The following LMTK2 variants were observed in gnomAD, a reference collection of about 807,000 sequenced individuals.
LMTK2 encodes lemur tail kinase 2.
LMTK2 carries 37 observed loss-of-function variants against 127.5 expected under a neutral mutation model. The ratio of observed to expected loss-of-function variants is 0.29; its 90% CI spans 0.22 to 0.38. LMTK2 has a LOEUF of 0.38. Ranked by LOEUF, LMTK2 falls within the 10% of genes least tolerant of loss-of-function variation. The pLI is 1.00. For missense variants in LMTK2, 1,694 were observed against 1,920.3 expected (o/e 0.88, Z 2.20); for synonymous variants, 819 against 810.1 (o/e 1.01, Z -0.19).
intron 3 of LMTK2, among the ~76,000 whole-genome samples, chr7:98,142,028 T>C (rs558213526): frequency 2.0e-5 from 3 of 152,326 alleles, no homozygotes; most frequent in African/African-American, 7.2e-5. Flanking sequence ...AAAAATAGAA[T>C]GTGACTATAG....
At chr7:98,168,048 G>A (rs1323087986) in intron 6 of LMTK2, among the ~76,000 whole-genome samples, 2 of 152,214 alleles carry the variant, frequency 1.3e-5, no homozygotes, top group Non-Finnish European at 2.9e-5. Flanking sequence ...GGCGAGAGCA[G>A]CTGCCACTGA....
At chr7:98,137,610 A>G (rs1796613522) in intron 2 of LMTK2, among the ~76,000 whole-genome samples, 168 bp downstream of exon 2, 1 of 152,250 alleles carries the variant, frequency 6.6e-6, no homozygotes, top group Admixed American at 6.5e-5. Context: ...ATTGTGGGCC[A>G]TACAGTCTCT....
At chr7:98,111,153 T>C (rs111413089) in intron 1 of LMTK2, among the ~76,000 whole-genome samples, 1 of 152,240 alleles carries the variant, frequency 6.6e-6, no homozygotes, top group Admixed American at 6.5e-5. Context: ...TCTGCAGTTT[T>C]GTAGCTGATT....
chr7:98,199,851 C>A (rs939489243), intron 11 of LMTK2, among the ~76,000 whole-genome samples: 3 of 152,154 alleles, frequency 2.0e-5, no homozygotes, highest in African/African-American at 7.2e-5. Context: ...TACTTTTAAT[C>A]TACCTGTATC....
intron 1 of LMTK2, among the ~76,000 whole-genome samples, chr7:98,119,967 A>T (rs972016045): frequency 1.3e-5 from 2 of 151,996 alleles, no homozygotes; most frequent in African/African-American, 2.4e-5. Context: ...ACTTTTTTTT[A>T]AAAGCTGTTT....
chr7:98,158,634 G>C (rs1265933093), intron 5 of LMTK2, among the ~76,000 whole-genome samples: 4 of 151,328 alleles, frequency 2.6e-5, no homozygotes, highest in Non-Finnish European at 5.9e-5. Context: ...AAATAATACA[G>C]TATAACAGTT....
At chr7:98,189,995 G>A (rs1481425703) in intron 9 of LMTK2, among the ~76,000 whole-genome samples, 1 of 149,742 alleles carries the variant, frequency 6.7e-6, no homozygotes, top group African/African-American at 2.4e-5. Flanking sequence ...GTTAATAGGT[G>A]TATTTTTCTA....
Position 98,192,451 on chromosome 7 carries a change from C to T in LMTK2, c.1986C>T (p.Ala662=), listed in dbSNP as rs745593366. 9.3e-6 allele frequency: 15 copies of T among 1,612,760 alleles called. No individual in the cohort carries two copies. The highest frequency in any genetic ancestry group is 2.2e-5 in the East Asian group (1 of 44,884). Residue 662 remains alanine (A), a synonymous_variant, in exon 11 of 14, where the codon GCC becomes GCT. Transcript: ENST00000297293. ...TAATGGAATTAAACGGAGTTCAAGC[C>T]GACTTTAAACCTGCCACTTTAAGTT... ...FDLMELNGVQ[A]DFKPATLSSS... is the part of the protein sequence containing the mutation.
At position 98,205,533 on chromosome 7, in the gene LMTK2, C is replaced by T. The variant is rs746377639; in HGVS notation, c.*41C>T. The T allele has an allele frequency of 1.9e-6, 3 of 1,605,772 alleles. No individual in the cohort carries two copies. The highest frequency in any genetic ancestry group is 2.6e-6 in the Non-Finnish European group (3 of 1,176,434). On this transcript the variant is annotated 3_prime_UTR_variant, in exon 14 of 14. Transcript: ENST00000297293. ...CACGCTCGGGTCCGAGGCTGCTCCCCTGGAGCGGCGCCCCTGCGCCCTCAG... is the reference window on the plus strand; with the variant it reads ...CACGCTCGGGTCCGAGGCTGCTCCCTTGGAGCGGCGCCCCTGCGCCCTCAG...
chr7:98,187,462 CCTG>C (rs778141642), intron 9 of LMTK2, among the ~76,000 whole-genome samples: 28 of 151,786 alleles, frequency 1.8e-4, no homozygotes, highest in Non-Finnish European at 3.2e-4. Context: ...GTGCTGTTGT[CCTG>C]CTTTTTTTTT....
rs777814206 is a variant in LMTK2 at position 98,154,198 on chromosome 7, G to T, written c.451-560G>T. On this transcript the variant is annotated intron_variant, in intron 4 of 13. Transcript: ENST00000297293. ...GTGAGGCAGCAGATTCTCATTTCGT[G>T]TTCTGCTGATTTCAGTGGGGTGTTT... Among the ~76,000 whole-genome samples, 18 of 152,264 alleles carry T rather than the reference G, an allele frequency of 1.2e-4. 1 individual carries two copies. The highest frequency in any genetic ancestry group is 1.9e-4 in the Non-Finnish European group (13 of 68,030).
chr7:98,143,810 T>C (rs967533608), intron 3 of LMTK2, among the ~76,000 whole-genome samples: 2 of 152,230 alleles, frequency 1.3e-5, no homozygotes, highest in Non-Finnish European at 2.9e-5. Flanking sequence ...ATTGGGCAAG[T>C]GTGCAAATAT....
rs1478289892 is a variant in LMTK2, at chr7:98,109,600, C to T, written c.103+2320C>T. Among the ~76,000 whole-genome samples the T allele has an allele frequency of 4.0e-5, 6 of 151,826 alleles. No individual in the cohort carries two copies. The East Asian group carries it at 5.8e-4, about 15-fold the overall frequency. ...CTCTACTAAATATACAAAAATTAGCCGTGCGTGGTGGTGGGAGCCTGTAAT... is the reference window on the plus strand; with the variant it reads ...CTCTACTAAATATACAAAAATTAGCTGTGCGTGGTGGTGGGAGCCTGTAAT... On this transcript the variant is annotated intron_variant, in intron 1 of 13. Coordinates refer to ENST00000297293, the MANE Select transcript of LMTK2 (RefSeq NM_014916.4).
intron 3 of LMTK2, among the ~76,000 whole-genome samples, chr7:98,147,342 C>T (rs766282854): frequency 1.6e-4 from 25 of 152,112 alleles, no homozygotes; most frequent in African/African-American, 2.2e-4. Flanking sequence ...CCTCAACCTC[C>T]CAAGTAGCTG....
At chr7:98,122,944 T>A (rs1796387412) in intron 1 of LMTK2, among the ~76,000 whole-genome samples, 1 of 152,154 alleles carries the variant, frequency 6.6e-6, no homozygotes, top group Admixed American at 6.5e-5. Context: ...CCTTAAATGT[T>A]GTTTCTTATC....
chr7:98,119,912 G>C (rs1192768116), intron 1 of LMTK2, among the ~76,000 whole-genome samples: 1 of 152,178 alleles, frequency 6.6e-6, no homozygotes, highest in Admixed American at 6.5e-5. Flanking sequence ...AACTCATTTA[G>C]GTGTAGCCTA....
intron 10 of LMTK2, among the ~76,000 whole-genome samples, chr7:98,191,409 G>A (rs1334931518): frequency 6.6e-6 from 1 of 152,104 alleles, no homozygotes; most frequent in Non-Finnish European, 1.5e-5. Context: ...AAAATTAGCT[G>A]GGCGCGGCAG....
rs114079145 is a variant in LMTK2 at position 98,173,188 on chromosome 7, G to T, written c.791+1514G>T. Among the ~76,000 whole-genome samples, 644 of 152,266 alleles carry T rather than the reference G, an allele frequency of 4.2e-3. 4 individuals carry two copies. The highest frequency in any genetic ancestry group is 0.015 in the African/African-American group (620 of 41,538). On this transcript the variant is annotated intron_variant, in intron 7 of 13. Coordinates refer to ENST00000297293, the MANE Select transcript of LMTK2 (RefSeq NM_014916.4). ...TCTTAAACAGGCGTGGAAAAGTACCGTGCCTATCAGACTGTCAACATTCCT... is the reference window on the plus strand; with the variant it reads ...TCTTAAACAGGCGTGGAAAAGTACCTTGCCTATCAGACTGTCAACATTCCT...
intron 11 of LMTK2, among the ~76,000 whole-genome samples, chr7:98,196,969 G>C (rs1179031472): frequency 1.3e-5 from 2 of 152,230 alleles, no homozygotes; most frequent in African/African-American, 4.8e-5. Flanking sequence ...TTCAGGCCGA[G>C]GACTGAGGGT....
Sources: gnomAD v4.1 joint callset for allele counts (sites outside exome capture counted in the v4.1 genomes callset) on GRCh38, gnomAD v4.1.1 for gene constraint, MANE v1.5 for transcripts, NCBI Gene and HGNC (gene_info 2026-07-23, HGNC 2026-07-21) for gene names.